The following ADAMTS20 variants were observed in gnomAD, a reference collection of about 807,000 sequenced individuals.
The protein encoded by ADAMTS20 is ADAM metallopeptidase with thrombospondin type 1 motif 20.
Under a neutral mutation model 260.1 loss-of-function variants are expected in ADAMTS20, and 225 were observed. That is an observed-to-expected ratio of 0.87 (90% CI 0.78 to 0.97). The LOEUF (loss-of-function observed/expected upper bound fraction) is 0.97. Among genes scored for constraint, ADAMTS20 ranks in the 50% least tolerant of loss-of-function variants. The probability of loss-of-function intolerance (pLI) is 0.00; values close to 1 mark genes in which losing one functional copy is unlikely to be tolerated. For synonymous variants in ADAMTS20, 802 were observed against 769.5 expected, an observed-to-expected ratio of 1.04 and a Z score of -0.70; for missense variants, 2,400 against 2,337.7, an observed-to-expected ratio of 1.03 and a Z score of -0.55.
chr12:43,445,492 A>C (rs1941743205), intron 15 of ADAMTS20, among the ~76,000 whole-genome samples: 1 of 152,188 alleles, frequency 6.6e-6, no homozygotes, highest in African/African-American at 2.4e-5. Flanking sequence ...ATACTGTTTT[A>C]ATGGAAGTAA....
At chr12:43,482,315 C>T (rs561499560) in intron 7 of ADAMTS20, among the ~76,000 whole-genome samples, 40 of 152,212 alleles carry the variant, frequency 2.6e-4, no homozygotes, top group Non-Finnish European at 4.6e-4. Context: ...AGGAGCTGGA[C>T]ACCTTTGCTT....
chr12:43,475,100 C>A (rs1942329100), intron 7 of ADAMTS20, among the ~76,000 whole-genome samples: 1 of 119,578 alleles, frequency 8.4e-6, no homozygotes, highest in Non-Finnish European at 1.8e-5. Flanking sequence ...CCCATCGTCT[C>A]AGCCCAAAAT....
chr12:43,368,852 T>C (rs954318564), intron 37 of ADAMTS20, among the ~76,000 whole-genome samples: 4 of 152,102 alleles, frequency 2.6e-5, no homozygotes, highest in African/African-American at 9.7e-5. Flanking sequence ...AGAATAAAAA[T>C]ATGAAAATGT....
intron 24 of ADAMTS20, 64 bp from the exon 25 acceptor site, chr12:43,428,863 C>T (rs577849969): frequency 1.3e-4 from 180 of 1,387,134 alleles, no homozygotes; most frequent in Non-Finnish European, 1.7e-4. Context: ...GTCCCTTTTA[C>T]ATAGCTGTTA....
chr12:43,434,499 C>T (rs1035213793), intron 18 of ADAMTS20, 128 bp from the exon 19 acceptor site: 3 of 816,352 alleles, frequency 3.7e-6, no homozygotes, highest in Non-Finnish European at 5.6e-6. Context: ...ATGCAACATA[C>T]AGGATATACT....
intron 14 of ADAMTS20, among the ~76,000 whole-genome samples, chr12:43,448,851 G>A (rs1941809776): frequency 1.3e-5 from 2 of 151,900 alleles, no homozygotes; most frequent in Admixed American, 1.3e-4. Flanking sequence ...CCTTTTAAGA[G>A]AAGACATACA....
intron 14 of ADAMTS20, among the ~76,000 whole-genome samples, chr12:43,448,104 AC>A (rs1199328884): frequency 6.6e-6 from 1 of 152,212 alleles, no homozygotes; most frequent in Non-Finnish European, 1.5e-5. Flanking sequence ...CTATAAAACT[AC>A]CATTAATATT....
intron 7 of ADAMTS20, among the ~76,000 whole-genome samples, chr12:43,474,361 A>G (rs1456333640): frequency 6.7e-6 from 1 of 149,870 alleles, no homozygotes; most frequent in African/African-American, 2.5e-5. Flanking sequence ...TTTACCAACC[A>G]AAAAGAGTCC....
intron 4 of ADAMTS20, among the ~76,000 whole-genome samples, chr12:43,493,454 G>A (rs1942635268): frequency 6.6e-6 from 1 of 152,108 alleles, no homozygotes; most frequent in African/African-American, 2.4e-5. Flanking sequence ...TTGAGACTCA[G>A]GCATCTTAAA....
At chr12:43,546,359 T>C (rs68182113) in intron 2 of ADAMTS20, among the ~76,000 whole-genome samples, 17,305 of 152,120 alleles carry the variant, frequency 0.11, 1,366 homozygotes, top group African/African-American at 0.22. Flanking sequence ...GGAAACTGTT[T>C]CCTTCAACCA....
chr12:43,441,825 A>G (rs1204512752), intron 16 of ADAMTS20, among the ~76,000 whole-genome samples: 15 of 152,212 alleles, frequency 9.9e-5, no homozygotes, highest in African/African-American at 4.8e-5. Flanking sequence ...TAATATAAAT[A>G]CAATACCCCT....
chr12:43,481,759 G>A (rs1438649956), intron 7 of ADAMTS20, among the ~76,000 whole-genome samples: 1 of 152,102 alleles, frequency 6.6e-6, no homozygotes, highest in East Asian at 1.9e-4. Context: ...TGGCTAACTG[G>A]AGGTATTTTT....
At chr12:43,435,861 G>C (rs1040333807) in intron 18 of ADAMTS20, among the ~76,000 whole-genome samples, 1 of 151,974 alleles carries the variant, frequency 6.6e-6, no homozygotes, top group African/African-American at 2.4e-5. Flanking sequence ...AAGAGAAGTG[G>C]TCATAACTGA....
chr12:43,442,235 T>C (rs1351805383), intron 16 of ADAMTS20, among the ~76,000 whole-genome samples: 1 of 152,102 alleles, frequency 6.6e-6, no homozygotes, highest in Non-Finnish European at 1.5e-5. Flanking sequence ...ACAAAGTATA[T>C]TGATACTTTA....
chr12:43,521,695 C>A (rs1016668845), intron 3 of ADAMTS20, among the ~76,000 whole-genome samples: 6 of 152,124 alleles, frequency 3.9e-5, no homozygotes, highest in Non-Finnish European at 8.8e-5. Context: ...GATAATATCT[C>A]TGCTTTAAAT....
chr12:43,431,959 A>T (rs1941452240), intron 21 of ADAMTS20, among the ~76,000 whole-genome samples: 1 of 150,770 alleles, frequency 6.6e-6, no homozygotes, highest in African/African-American at 2.4e-5. Flanking sequence ...GCTCATTGAT[A>T]CTCCACGTCC....
At chr12:43,393,109 A>G (rs1168868487) in intron 29 of ADAMTS20, among the ~76,000 whole-genome samples, 2 of 152,032 alleles carry the variant, frequency 1.3e-5, no homozygotes, top group Non-Finnish European at 2.9e-5. Context: ...CCCTTTTCCC[A>G]AAGCCATTTT....
intron 37 of ADAMTS20, among the ~76,000 whole-genome samples, chr12:43,361,799 G>A (rs1722463571): frequency 6.6e-6 from 1 of 151,970 alleles, no homozygotes; most frequent in Non-Finnish European, 1.5e-5. Flanking sequence ...GTAATAATTG[G>A]ACTTATGTTA....
At chr12:43,365,415 G>C in intron 37 of ADAMTS20, among the ~76,000 whole-genome samples, 1 of 151,972 alleles carries the variant, frequency 6.6e-6, no homozygotes, top group Admixed American at 6.6e-5. Flanking sequence ...AAAAGCAATC[G>C]TATAAACCAA....
Sources: gnomAD v4.1 joint callset for allele counts (sites outside exome capture counted in the v4.1 genomes callset) on GRCh38, gnomAD v4.1.1 for gene constraint, MANE v1.5 for transcripts, NCBI Gene and HGNC (gene_info 2026-07-23, HGNC 2026-07-21) for gene names.